CA8: variants seen among roughly 807,000 people sequenced by gnomAD.
CA8 encodes the protein carbonic anhydrase 8 (inactive).
In CA8, 22 loss-of-function variants were observed where a neutral mutation model predicts 41.4. The observed-to-expected ratio is 0.53, with a 90% CI of 0.38 to 0.76. The LOEUF (loss-of-function observed/expected upper bound fraction) is 0.76. Ranked by LOEUF, CA8 falls within the 30% of genes least tolerant of loss-of-function variation. CA8 has a pLI of 0.00. For missense variants in CA8, 270 were observed against 352.8 expected, an observed-to-expected ratio of 0.77 and a Z score of 1.88; for synonymous variants, 121 against 130.6, an observed-to-expected ratio of 0.93 and a Z score of 0.50.
chr8:60,271,524 G>C (rs1465186692), intron 2 of CA8, among the ~76,000 whole-genome samples: 2 of 152,036 alleles, frequency 1.3e-5, no homozygotes, highest in Non-Finnish European at 2.9e-5. Flanking sequence ...GCCATGTTTG[G>C]GGGGGAAAAG....
At position 60,238,646 on chromosome 8, in the gene CA8, G is replaced by A. The variant is rs1224081159; in HGVS notation, c.418-6267C>T. Among the ~76,000 whole-genome samples the A allele has an allele frequency of 4.6e-5, 7 of 152,090 alleles. No homozygotes were observed. The South Asian group carries it at 6.2e-4, about 14-fold the overall frequency. On this transcript the variant is annotated intron_variant, in intron 3 of 8. Coordinates refer to ENST00000317995, the MANE Select transcript of CA8 (RefSeq NM_004056.6). ...CCCTGGCATTTACATTATGAAGCCC[G>A]ACTAATCTCTTTTTAACACAACTTT...
At chr8:60,271,120 A>G (rs1804057238) in intron 2 of CA8, among the ~76,000 whole-genome samples, 1 of 152,182 alleles carries the variant, frequency 6.6e-6, no homozygotes, top group Non-Finnish European at 1.5e-5. Context: ...AGGCGGGAGG[A>G]TCATTTGAGC....
At chr8:60,255,250 C>A (rs1183924428) in intron 3 of CA8, among the ~76,000 whole-genome samples, 2 of 151,946 alleles carry the variant, frequency 1.3e-5, no homozygotes, top group African/African-American at 4.8e-5. Flanking sequence ...CCCAGCCCCC[C>A]ACCGCCCTAC....
rs115314824 is a variant in CA8, at chr8:60,242,018, G to A, written c.418-9639C>T. Among the ~76,000 whole-genome samples the A allele has an allele frequency of 3.5e-3, 537 of 152,300 alleles. 3 individuals carry two copies. The highest frequency in any genetic ancestry group is 0.011 in the African/African-American group (472 of 41,548). On this transcript the variant is annotated intron_variant, in intron 3 of 8. Transcript: ENST00000317995. ...GGCAGCACTCATCTCAACATTTATT[G>A]AGCACCGACAGTATCTAGGGTTTTA...
chr8:60,246,283 G>GT (rs386412867), intron 3 of CA8, among the ~76,000 whole-genome samples: 3 of 151,786 alleles, frequency 2.0e-5, no homozygotes, highest in African/African-American at 7.3e-5. Flanking sequence ...TGCATTTCTG[G>GT]GGGGGGTTGA....
intron 8 of CA8, among the ~76,000 whole-genome samples, chr8:60,192,447 A>G (rs1337928172): frequency 6.6e-6 from 1 of 152,178 alleles, no homozygotes; most frequent in Non-Finnish European, 1.5e-5. Flanking sequence ...TCACTAGCTA[A>G]AAATTAAACT....
chr8:60,232,156 T>C, intron 4 of CA8, 128 bp downstream of exon 4: 1 of 719,348 alleles, frequency 1.4e-6, no homozygotes, highest in Non-Finnish European at 2.5e-6. Flanking sequence ...TTTTCTGTTT[T>C]TATCAGGTGT....
intron 3 of CA8, among the ~76,000 whole-genome samples, chr8:60,245,471 G>A (rs1457815915): frequency 6.6e-6 from 1 of 152,034 alleles, no homozygotes; most frequent in Non-Finnish European, 1.5e-5. Context: ...GTTGCTCAAG[G>A]GAGTTGCACA....
chr8:60,196,845 G>C (rs1399478341), intron 8 of CA8, among the ~76,000 whole-genome samples: 1 of 152,044 alleles, frequency 6.6e-6, no homozygotes, highest in Admixed American at 6.6e-5. Context: ...GGTCTTGTCT[G>C]GCCAAACACT....
intron 7 of CA8, among the ~76,000 whole-genome samples, chr8:60,213,521 C>T (rs924887779): frequency 7.2e-5 from 11 of 152,242 alleles, no homozygotes; most frequent in Non-Finnish European, 1.5e-4. Context: ...TTGATTTGCA[C>T]TGTCCAGGAT....
intron 8 of CA8, among the ~76,000 whole-genome samples, chr8:60,196,548 TA>T (rs930799809): frequency 3.3e-5 from 5 of 152,230 alleles, no homozygotes; most frequent in African/African-American, 9.6e-5. Context: ...ATGACAGACA[TA>T]AAAAAACTTT....
intron 5 of CA8, among the ~76,000 whole-genome samples, chr8:60,225,183 T>G (rs999292151): frequency 9.2e-5 from 14 of 152,278 alleles, no homozygotes; most frequent in Non-Finnish European, 1.6e-4. Context: ...TTTGTGCTCT[T>G]ATTCAACAAT....
intron 2 of CA8, among the ~76,000 whole-genome samples, chr8:60,267,396 A>C (rs1000964205): frequency 2.0e-5 from 3 of 152,232 alleles, no homozygotes; most frequent in Non-Finnish European, 4.4e-5. Context: ...AGCAAGAAGT[A>C]ACTTTAATTT....
intron 5 of CA8, among the ~76,000 whole-genome samples, chr8:60,226,327 G>C (rs1807436741): frequency 6.6e-6 from 1 of 152,046 alleles, no homozygotes; most frequent in Non-Finnish European, 1.5e-5. Flanking sequence ...CTGTGTGCCT[G>C]CAGCCTTGGG....
At chr8:60,255,903 TATTA>T (rs900437780) in intron 3 of CA8, among the ~76,000 whole-genome samples, 1 of 142,342 alleles carries the variant, frequency 7.0e-6, no homozygotes, top group African/African-American at 2.8e-5. Context: ...AACATTACGC[TATTA>T]ATTTTTTTTT....
Position 60,222,780 on chromosome 8 carries a change from A to G in CA8, c.626-19T>C, listed in dbSNP as rs1407342776. 8.1e-6 allele frequency: 12 copies of G among 1,477,048 alleles called. No individual in the cohort carries two copies. Among genetic ancestry groups the G allele is most frequent in the East Asian group, 2.3e-5 (1 of 44,230 alleles). 91.5% of individuals were successfully genotyped at this position (1,477,048 alleles called of 1,614,324 possible). On this transcript the variant is annotated intron_variant, in intron 6 of 8. Transcript: ENST00000317995. Reference sequence around the variant, plus strand: ...AGAGGGTCTGCACAGCCACGTGGACATGTAATGGAAAAGGCAAGTGAATTA... The same window carrying G: ...AGAGGGTCTGCACAGCCACGTGGACGTGTAATGGAAAAGGCAAGTGAATTA...
intron 2 of CA8, among the ~76,000 whole-genome samples, chr8:60,266,388 C>T (rs1803903204): frequency 6.6e-6 from 1 of 152,142 alleles, no homozygotes; most frequent in African/African-American, 2.4e-5. Context: ...GATCAGGAGA[C>T]AAAAATATGG....
intron 3 of CA8, among the ~76,000 whole-genome samples, chr8:60,255,866 A>G (rs867227432): frequency 6.6e-6 from 1 of 151,744 alleles, no homozygotes; most frequent in African/African-American, 2.4e-5. Context: ...CCACCATTAC[A>G]TGAGAAACTC....
intron 8 of CA8, among the ~76,000 whole-genome samples, chr8:60,191,482 G>A (rs1034751771): frequency 5.9e-5 from 9 of 152,052 alleles, no homozygotes; most frequent in African/African-American, 2.2e-4. Flanking sequence ...ACGAATCCAT[G>A]TTAAAAAATA....
Sources: gnomAD v4.1 joint callset for allele counts (sites outside exome capture counted in the v4.1 genomes callset) on GRCh38, gnomAD v4.1.1 for gene constraint, MANE v1.5 for transcripts, NCBI Gene and HGNC (gene_info 2026-07-23, HGNC 2026-07-21) for gene names.